DIAPH3: variants seen among roughly 807,000 people sequenced by gnomAD.
DIAPH3 encodes the protein protein diaphanous homolog 3.
A neutral mutation model predicts 144.3 loss-of-function variants in DIAPH3; 117 were observed. The observed-to-expected ratio is 0.81, with a 90% CI of 0.70 to 0.95. DIAPH3 has a LOEUF of 0.95. Among genes scored for constraint, DIAPH3 ranks in the 40% least tolerant of loss-of-function variants. The pLI, the probability that DIAPH3 is intolerant of heterozygous loss-of-function variation, is 0.00. For synonymous variants in DIAPH3, 519 were observed against 488.9 expected (o/e 1.06, Z -0.81); for missense variants, 1,421 against 1,412.7 (o/e 1.01, Z -0.09).
chr13:59,832,045 C>T (rs565064951), intron 24 of DIAPH3, among the ~76,000 whole-genome samples: 4 of 151,888 alleles, frequency 2.6e-5, no homozygotes, highest in Middle Eastern at 3.4e-3. Flanking sequence ...AAAGTCTTTA[C>T]TATTTCCACT....
chr13:59,828,025 C>T (rs912252780), intron 24 of DIAPH3, among the ~76,000 whole-genome samples: 1 of 151,896 alleles, frequency 6.6e-6, no homozygotes, highest in Non-Finnish European at 1.5e-5. Flanking sequence ...AAATAGAAAA[C>T]AATGATTAAT....
At chr13:59,761,512 A>G (rs973331366) in intron 27 of DIAPH3, among the ~76,000 whole-genome samples, 1 of 152,180 alleles carries the variant, frequency 6.6e-6, no homozygotes, top group Admixed American at 6.5e-5. Flanking sequence ...AAGAATGACA[A>G]GGGAAGAAAA....
intron 27 of DIAPH3, 21 bp downstream of exon 27, chr13:59,774,157 AGAATGTGCAAT>A: frequency 1.2e-6 from 2 of 1,604,738 alleles, no homozygotes; most frequent in Admixed American, 3.4e-5. Flanking sequence ...GTAGATAAGA[AGAATGTGCAAT>A]TTATAAATAC....
chr13:59,984,014 C>A, intron 12 of DIAPH3, 127 bp from the exon 13 acceptor site: 1 of 671,746 alleles, frequency 1.5e-6, no homozygotes, highest in Non-Finnish European at 2.6e-6. Context: ...CAATAGTTGA[C>A]ACAACAGATT....
intron 24 of DIAPH3, among the ~76,000 whole-genome samples, chr13:59,819,738 T>G (rs1408960272): frequency 6.9e-6 from 1 of 145,304 alleles, no homozygotes; most frequent in African/African-American, 2.5e-5. Context: ...ACATTAAGTA[T>G]GACATTTCAT....
intron 4 of DIAPH3, among the ~76,000 whole-genome samples, chr13:60,090,376 T>C (rs2057890839): frequency 6.6e-6 from 1 of 152,152 alleles, no homozygotes; most frequent in South Asian, 2.1e-4. Context: ...GGTGGCTTTT[T>C]TTTTTAATTC....
At chr13:59,843,781 T>G (rs1322037643) in intron 22 of DIAPH3, among the ~76,000 whole-genome samples, 4 of 152,144 alleles carry the variant, frequency 2.6e-5, no homozygotes, top group Non-Finnish European at 5.9e-5. Context: ...CAACACACAC[T>G]TGGAAGAAAG....
At chr13:60,143,198 C>G (rs1951354702) in intron 1 of DIAPH3, among the ~76,000 whole-genome samples, 2 of 152,180 alleles carry the variant, frequency 1.3e-5, no homozygotes, top group South Asian at 4.1e-4. Flanking sequence ...CAAATGCTGC[C>G]TGATTCAGGA....
intron 24 of DIAPH3, among the ~76,000 whole-genome samples, chr13:59,828,631 C>CAA (rs5803972): frequency 0.026 from 3,375 of 130,260 alleles, 91 homozygotes; most frequent in African/African-American, 0.063. Context: ...TTCTGGACCT[C>CAA]AAAAAAAAAA....
At chr13:60,078,403 T>A (rs1390744556) in intron 4 of DIAPH3, among the ~76,000 whole-genome samples, 2 of 152,042 alleles carry the variant, frequency 1.3e-5, no homozygotes, top group East Asian at 3.9e-4. Flanking sequence ...AAAAAAGACT[T>A]GAAGTGGGCA....
chr13:59,693,471 G>A (rs1041698457), intron 27 of DIAPH3, among the ~76,000 whole-genome samples: 4 of 152,056 alleles, frequency 2.6e-5, no homozygotes, highest in African/African-American at 9.7e-5. Flanking sequence ...CAAGGAATTA[G>A]GAAAATTATC....
intron 9 of DIAPH3, among the ~76,000 whole-genome samples, chr13:59,995,352 G>T (rs372452394): frequency 3.3e-5 from 5 of 151,836 alleles, no homozygotes; most frequent in African/African-American, 1.2e-4. Context: ...TAATTTGCAT[G>T]TTACAGAAAT....
At chr13:59,732,560 G>A (rs1593697675) in intron 27 of DIAPH3, among the ~76,000 whole-genome samples, 1 of 151,464 alleles carries the variant, frequency 6.6e-6, no homozygotes, top group Non-Finnish European at 1.5e-5. Flanking sequence ...TCCCACCTCA[G>A]CCTCTCATGT....
intron 5 of DIAPH3, among the ~76,000 whole-genome samples, chr13:60,038,346 A>G (rs1282045261): frequency 6.6e-6 from 1 of 152,164 alleles, no homozygotes; most frequent in African/African-American, 2.4e-5. Flanking sequence ...AGACTTCCTC[A>G]GATCATGTTG....
intron 24 of DIAPH3, among the ~76,000 whole-genome samples, chr13:59,813,328 C>A (rs1249335814): frequency 6.6e-6 from 1 of 151,580 alleles, no homozygotes; most frequent in African/African-American, 2.4e-5. Flanking sequence ...CTATAAAATA[C>A]CAGCTGCAAT....
chr13:59,911,911 A>G, intron 19 of DIAPH3, 75 bp from the exon 20 acceptor site: 2 of 1,151,298 alleles, frequency 1.7e-6, no homozygotes, highest in Non-Finnish European at 2.5e-6. Context: ...TTTAAAAACT[A>G]CTGAAAGAAA....
chr13:59,908,186 T>C (rs966019603), intron 20 of DIAPH3, among the ~76,000 whole-genome samples: 1 of 151,702 alleles, frequency 6.6e-6, no homozygotes, highest in East Asian at 1.9e-4. Flanking sequence ...CTGGCCAACA[T>C]AGTGAAACCC....
chr13:60,117,700 T>C (rs1249830880), intron 2 of DIAPH3, among the ~76,000 whole-genome samples: 2 of 152,144 alleles, frequency 1.3e-5, no homozygotes, highest in African/African-American at 4.8e-5. Flanking sequence ...CTATCTTTGA[T>C]GAAATTGCAC....
chr13:59,835,906 T>C (rs1004125119), intron 23 of DIAPH3, among the ~76,000 whole-genome samples: 4 of 151,872 alleles, frequency 2.6e-5, no homozygotes, highest in African/African-American at 9.7e-5. Context: ...ATGAATTTAC[T>C]GGGCTGGCTT....
Sources: allele counts gnomAD v4.1 joint callset (sites outside exome capture counted in the v4.1 genomes callset), GRCh38; gene constraint gnomAD v4.1.1; transcripts MANE v1.5; gene names NCBI Gene and HGNC (gene_info 2026-07-23, HGNC 2026-07-21).